Variants in C21orf58 observed in about 807,000 individuals in gnomAD.
The protein encoded by C21orf58 is chromosome 21 open reading frame 58.
C21orf58 carries 34 observed loss-of-function variants against 35.8 expected under a neutral mutation model. The ratio of observed to expected loss-of-function variants is 0.95; its 90% CI spans 0.72 to 1.26. C21orf58 has a LOEUF of 1.26. C21orf58 is among the 50% of genes most tolerant of loss of function. The pLI is 0.00. For missense variants in C21orf58, 440 were observed against 414.3 expected, an observed-to-expected ratio of 1.06 and a Z score of -0.54; for synonymous variants, 191 against 175.8, an observed-to-expected ratio of 1.09 and a Z score of -0.68.
downstream of C21orf58, chr21:46,300,767 C>T (rs921633433): frequency 1.9e-4 from 246 of 1,288,920 alleles, no homozygotes; most frequent in Middle Eastern, 4.2e-4. Context: ...CCTCCTTGTG[C>T]GGAACTTCAG....
rs1189485565 is a variant in C21orf58 at position 46,314,866 on chromosome 21, C to T, written c.459G>A (p.Leu153=). The change falls in exon 5 of 8, where the codon CTG becomes CTA. Residue 153 remains leucine, a synonymous_variant. Coordinates refer to ENST00000291691, the MANE Select transcript of C21orf58 (RefSeq NM_058180.5). ...LLQRLREQHL[L]DELSRAQAWS... is the part of the protein sequence containing the mutation. ...AGGCCTGGGCCCGAGAGAGCTCGTCCAGGAGGTGTTGTTCCTGCAAGGCCG... is the reference window on the plus strand; with the variant it reads ...AGGCCTGGGCCCGAGAGAGCTCGTCTAGGAGGTGTTGTTCCTGCAAGGCCG... 4 of 1,550,360 alleles carry T rather than the reference C, an allele frequency of 2.6e-6. No homozygotes were observed. In the East Asian group the frequency reaches 7.3e-5, roughly 28 times the overall value.
chr21:46,309,961 C>T (rs2082597674), intron 6 of C21orf58, among the ~76,000 whole-genome samples: 1 of 152,112 alleles, frequency 6.6e-6, no homozygotes, highest in South Asian at 2.1e-4. Context: ...CACGCCACTG[C>T]ACTCCAGCCT....
intron 6 of C21orf58, among the ~76,000 whole-genome samples, chr21:46,308,590 C>T (rs937768809): frequency 4.6e-5 from 7 of 152,106 alleles, no homozygotes; most frequent in Non-Finnish European, 7.4e-5. Context: ...TGGCCATAAG[C>T]GAAAACAAGA....
At position 46,315,558 on chromosome 21, in the gene C21orf58, G is replaced by A. The variant is rs766875269; in HGVS notation, c.371-11C>T. On this transcript the variant is annotated splice_polypyrimidine_tract_variant and intron_variant, in intron 3 of 7. Coordinates refer to ENST00000291691, the MANE Select transcript of C21orf58 (RefSeq NM_058180.5). ...GCCGGTCCTCATTTCCTGGAGGGAA[G>A]AACCTGCTTGCTTACCAAGGAACGC... The A allele has an allele frequency of 1.3e-6, 2 of 1,588,886 alleles. No individual in the cohort carries two copies. The highest frequency in any genetic ancestry group is 3.3e-5 in the Admixed American group (2 of 59,964).
At position 46,302,552 on chromosome 21, in the gene C21orf58, T is replaced by TGCAGCA. The variant is rs753899952; in HGVS notation, c.740_745dup (p.Leu247_Leu248dup). ...GACCAACTGGTGCACCTGTGCGTTCTGCAGCAGCAGCAGCTCCACCATGTC... is the reference window on the plus strand; with the variant it reads ...GACCAACTGGTGCACCTGTGCGTTCTGCAGCAGCAGCAGCAGCAGCTCCACCATGTC... On this transcript the variant is annotated inframe_insertion, in exon 7 of 8. Transcript: ENST00000291691. 5.6e-6 allele frequency: 9 copies of TGCAGCA among 1,612,406 alleles called. No individual in the cohort carries two copies. The African/African-American group carries it at 1.1e-4, about 19-fold the overall frequency.
At chr21:46,302,278 C>A in intron 7 of C21orf58, 124 bp from the exon 8 acceptor site, 1 of 1,406,224 alleles carries the variant, frequency 7.1e-7, no homozygotes, top group Non-Finnish European at 9.4e-7. Context: ...TAAGCATCCT[C>A]CCAGAGGAGG....
chr21:46,322,496 G>C, intron 1 of C21orf58, 143 bp downstream of exon 1: 9 of 1,278,632 alleles, frequency 7.0e-6, no homozygotes, highest in Non-Finnish European at 8.9e-6. Context: ...TTCCTGGAAA[G>C]TGTGATCCTG....
Position 46,301,937 on chromosome 21 carries a change from C to A in C21orf58, c.*62G>T. ...CTCCCTTCCATAGTCCCGCCACAGC[C>A]CACAGCCCTGAGGAAGCCTGGGGGT... On this transcript the variant is annotated 3_prime_UTR_variant, in exon 8 of 8. Transcript: ENST00000291691. 1 of 1,432,122 alleles carries A rather than the reference C, an allele frequency of 7.0e-7. No homozygotes were observed. Among genetic ancestry groups the A allele is most frequent in the Non-Finnish European group, 9.1e-7 (1 of 1,095,150 alleles). 88.7% of individuals were successfully genotyped at this position (1,432,122 alleles called of 1,614,324 possible).
chr21:46,317,389 T>C lies in C21orf58; in HGVS notation c.310-121A>G, dbSNP rs952456241. 6.6e-6 allele frequency: 10 copies of C among 1,523,794 alleles called. No homozygotes were observed. In the African/African-American group the frequency reaches 1.1e-4, roughly 17 times the overall value. 94.4% of individuals were successfully genotyped at this position (1,523,794 alleles called of 1,614,324 possible). ...GGTACGTCAGGAGTAACCCAGCCTC[T>C]CCAGGGCCAACAGGCGGGAGTCAAG... On this transcript the variant is annotated intron_variant, in intron 2 of 7. Transcript: ENST00000291691.
chr21:46,315,215 G>A (rs1470119587), intron 4 of C21orf58: 4 of 607,502 alleles, frequency 6.6e-6, no homozygotes, highest in African/African-American at 5.6e-5. Context: ...TGCATCTTTG[G>A]TGAGTGCCGT....
At chr21:46,318,255 C>A (rs752838596) in intron 1 of C21orf58, 35 bp from the exon 2 acceptor site, 82 of 1,608,786 alleles carry the variant, frequency 5.1e-5, no homozygotes, top group Non-Finnish European at 6.7e-5. Context: ...GGAAGATAGC[C>A]ACACCCTCCC....
Position 46,311,455 on chromosome 21 carries a change from C to G in C21orf58, c.721+1G>C, listed in dbSNP as rs982537093. 1.9e-6 allele frequency: 3 copies of G among 1,552,316 alleles called. No individual in the cohort carries two copies. Among genetic ancestry groups the G allele is most frequent in the Non-Finnish European group, 2.6e-6 (3 of 1,132,290 alleles). On this transcript the variant is annotated splice_donor_variant, in intron 6 of 7. Transcript: ENST00000291691. LOFTEE classifies it high-confidence loss of function. Reference sequence around the variant, plus strand: ...CAACAATATGAATATGGAACACTTACCTTCCTTAATACTTCCTGACCGTTG... The same window carrying G: ...CAACAATATGAATATGGAACACTTAGCTTCCTTAATACTTCCTGACCGTTG...
Position 46,318,102 on chromosome 21 carries a change from C to T in C21orf58, c.219G>A (p.Leu73=), listed in dbSNP as rs377019352. Residue 73 remains leucine, a synonymous_variant, in exon 2 of 8, where the codon CTG becomes CTA. Transcript: ENST00000291691. The part of the protein sequence containing the change: ...TREGGGLWPP[L]PLQSSPAAPT... ...GAGCTGCAGGAGACGACTGTAGGGGCAGGGGAGGCCACAGCCCACCTCCCT... is the reference window on the plus strand; with the variant it reads ...GAGCTGCAGGAGACGACTGTAGGGGTAGGGGAGGCCACAGCCCACCTCCCT... 2.5e-6 allele frequency: 4 copies of T among 1,613,110 alleles called. No homozygotes were observed. In the African/African-American group the frequency reaches 5.3e-5, roughly 22 times the overall value.
Position 46,301,909 on chromosome 21 carries a change from C to A in C21orf58, c.*90G>T. 1 of 1,378,248 alleles carries A rather than the reference C, an allele frequency of 7.3e-7. No homozygotes were observed. Among genetic ancestry groups the A allele is most frequent in the Non-Finnish European group, 9.4e-7 (1 of 1,069,214 alleles). 85.4% of individuals were successfully genotyped at this position (1,378,248 alleles called of 1,614,324 possible). A position where few individuals can be genotyped will look rare whatever the true frequency, so the allele number is the denominator to read the frequency against. ...CTCCGGGTGGTGGCAGGGTCTCTCC[C>A]TGCTCCCTTCCATAGTCCCGCCACA... is the stretch of plus-strand genomic sequence containing the variant. On this transcript the variant is annotated 3_prime_UTR_variant, in exon 8 of 8. Transcript: ENST00000291691.
chr21:46,306,890 C>T (rs2082442048), intron 6 of C21orf58, among the ~76,000 whole-genome samples: 1 of 144,522 alleles, frequency 6.9e-6, no homozygotes, highest in Non-Finnish European at 1.5e-5. Flanking sequence ...GCCCGGCCTC[C>T]CCTTATTTTT....
intron 6 of C21orf58, among the ~76,000 whole-genome samples, chr21:46,303,162 C>T (rs996924842): frequency 1.3e-5 from 2 of 151,038 alleles, no homozygotes; most frequent in African/African-American, 2.4e-5. Context: ...GAAACTCCGT[C>T]TCAAGAAAAA....
intron 6 of C21orf58, among the ~76,000 whole-genome samples, 174 bp from the exon 7 acceptor site, chr21:46,302,750 C>G (rs1371948745): frequency 8.0e-6 from 1 of 125,548 alleles, no homozygotes; most frequent in Non-Finnish European, 1.7e-5. Flanking sequence ...GCCCTGAGCC[C>G]GTCTGCACAC....
downstream of C21orf58, chr21:46,300,670 G>A (rs966498186): frequency 3.1e-6 from 4 of 1,273,550 alleles, no homozygotes; most frequent in Admixed American, 9.9e-5. Context: ...GGCTGTCCCT[G>A]GGGAGCTCTG....
At position 46,315,536 on chromosome 21, in the gene C21orf58, G is replaced by A. The variant is rs1053698392; in HGVS notation, c.382C>T (p.Arg128Trp). Residue 128 changes from arginine to tryptophan, a missense_variant, in exon 4 of 8, where the codon CGG becomes TGG. Arg to Trp is a moderately radical substitution (Grantham distance 101, BLOSUM62 -3). Transcript: ENST00000291691. ...GCAGTCTGCAGGGCATCGTCCGGCC[G>A]GTCCTCATTTCCTGGAGGGAAGAAC... is the stretch of plus-strand genomic sequence containing the variant. ...GLHLEPGNED[R>W]PDDALQTALK... is the part of the protein sequence containing the mutation. 1.3e-5 allele frequency: 21 copies of A among 1,610,022 alleles called. No individual in the cohort carries two copies. The highest frequency in any genetic ancestry group is 3.3e-5 in the Admixed American group (2 of 59,988).
Sources: allele counts gnomAD v4.1 joint callset (sites outside exome capture counted in the v4.1 genomes callset), GRCh38; gene constraint gnomAD v4.1.1; transcripts MANE v1.5; gene names NCBI Gene and HGNC (gene_info 2026-07-23, HGNC 2026-07-21).